OR7C1: variants seen among roughly 807,000 people sequenced by gnomAD.
OR7C1 encodes the protein olfactory receptor 7C1.
For synonymous variants in OR7C1, 152 were observed against 160.7 expected, an observed-to-expected ratio of 0.95 and a Z score of 0.41; for missense variants, 324 against 383.3, an observed-to-expected ratio of 0.85 and a Z score of 1.29.
chr19:14,823,446 C>T (rs907865204), intron 1 of OR7C1, among the ~76,000 whole-genome samples: 2 of 151,786 alleles, frequency 1.3e-5, no homozygotes, highest in African/African-American at 4.8e-5. Context: ...AGCAAGACTC[C>T]GTCTAAAAAA....
At chr19:14,818,379 C>T (rs905714941) in intron 1 of OR7C1, among the ~76,000 whole-genome samples, 1 of 152,128 alleles carries the variant, frequency 6.6e-6, no homozygotes, top group Non-Finnish European at 1.5e-5. Flanking sequence ...CAGGCGTGAG[C>T]CACCGCGCCC....
chr19:14,806,214 G>T (rs1201380559), intron 2 of OR7C1, among the ~76,000 whole-genome samples: 2 of 151,838 alleles, frequency 1.3e-5, no homozygotes, highest in Non-Finnish European at 2.9e-5. Flanking sequence ...TGTGTGTGAG[G>T]TCTTTAGCCT....
chr19:14,819,111 A>G (rs547242457), intron 1 of OR7C1, among the ~76,000 whole-genome samples: 1 of 114,780 alleles, frequency 8.7e-6, no homozygotes, highest in Non-Finnish European at 1.8e-5. Flanking sequence ...TTTTTTCTTT[A>G]TTGCCACCTT....
At chr19:14,814,119 T>C (rs2044705388) in intron 1 of OR7C1, among the ~76,000 whole-genome samples, 1 of 148,766 alleles carries the variant, frequency 6.7e-6, no homozygotes, top group Admixed American at 6.9e-5. Context: ...GTCTGGGCAA[T>C]AATTTTTGGG....
chr19:14,822,373 C>CTTTTTTTTT lies in OR7C1; in HGVS notation c.-622-12389_-622-12381dup, dbSNP rs1162241411. 4.0e-3 allele frequency among the ~76,000 whole-genome samples: 274 copies of CTTTTTTTTT among 67,716 alleles called. 43 individuals carry two copies. The highest frequency in any genetic ancestry group is 5.0e-3 in the Non-Finnish European group (179 of 35,812). 44.4% of individuals were successfully genotyped at this position (67,716 alleles called of 152,430 possible). A position where few individuals can be genotyped will look rare whatever the true frequency, so the allele number is the denominator to read the frequency against. On this transcript the variant is annotated intron_variant, in intron 1 of 4. Coordinates refer to ENST00000641666, the Ensembl canonical transcript of OR7C1. ...ATCCTCATCAGCACTTATCTCCTGT[C>CTTTTTTTTT]TTTTTTTTTTTTTTTTTTTTTTTTT... is the stretch of plus-strand genomic sequence containing the variant.
intron 1 of OR7C1, chr19:14,827,137 T>A (rs1335092927): frequency 2.7e-6 from 2 of 752,610 alleles, no homozygotes; most frequent in Non-Finnish European, 3.8e-6. Context: ...TAAAAGGAGT[T>A]GCTTAAATTC....
chr19:14,830,132 G>A (rs1029552074), intron 1 of OR7C1, among the ~76,000 whole-genome samples: 1 of 152,156 alleles, frequency 6.6e-6, no homozygotes, highest in Non-Finnish European at 1.5e-5. Flanking sequence ...CAAAGTGCTG[G>A]AATTACAGGC....
chr19:14,826,709 A>T (rs960858221), intron 1 of OR7C1: 16 of 152,220 alleles, frequency 1.1e-4, no homozygotes, highest in African/African-American at 3.1e-4. Context: ...CATATTTTTG[A>T]TAAACAATTT....
In OR7C1 at chr19:14,828,917, T is replaced by C. The variant is rs78121265; in HGVS notation, c.-623+6157A>G. ...CTACAATCTAATGATGAAGAAAGAA[T>C]ATAAACAAATTAAACAATCGAATAT... On this transcript the variant is annotated intron_variant, in intron 1 of 4. Transcript: ENST00000641666. Among the ~76,000 whole-genome samples, 54 of 77,050 alleles carry C rather than the reference T, an allele frequency of 7.0e-4. No individual in the cohort carries two copies. The East Asian group carries it at 0.047, about 67-fold the overall frequency. 50.5% of individuals were successfully genotyped at this position (77,050 alleles called of 152,430 possible). A position where few individuals can be genotyped will look rare whatever the true frequency, so the allele number is the denominator to read the frequency against.
intron 2 of OR7C1, among the ~76,000 whole-genome samples, chr19:14,803,914 T>G (rs1322779222): frequency 6.6e-6 from 1 of 152,074 alleles, no homozygotes; most frequent in Non-Finnish European, 1.5e-5. Context: ...TTTCACCGTG[T>G]TAGCCATGAT....
intron 2 of OR7C1, among the ~76,000 whole-genome samples, 170 bp from the exon 3 acceptor site, chr19:14,800,934 C>T (rs956747225): frequency 2.0e-5 from 3 of 152,230 alleles, no homozygotes; most frequent in African/African-American, 7.2e-5. Context: ...CCTGTCCTTT[C>T]CTCTCGGAGA....
chr19:14,825,811 A>T (rs928011933), intron 1 of OR7C1: 3 of 152,506 alleles, frequency 2.0e-5, no homozygotes, highest in African/African-American at 7.2e-5. Flanking sequence ...AGACACCCCC[A>T]ACGTAGACTC....
intron 1 of OR7C1, among the ~76,000 whole-genome samples, chr19:14,820,227 G>T (rs1423306062): frequency 2.6e-5 from 4 of 152,036 alleles, no homozygotes; most frequent in Non-Finnish European, 5.9e-5. Context: ...ATTTATTTTA[G>T]AATTTTATTC....
intron 1 of OR7C1, among the ~76,000 whole-genome samples, chr19:14,823,155 A>G (rs1054568855): frequency 3.9e-5 from 6 of 152,134 alleles, no homozygotes; most frequent in Non-Finnish European, 8.8e-5. Flanking sequence ...AATGTTTTTA[A>G]AAATTTGCGT....
rs1162241411 is a variant in OR7C1, at chr19:14,822,373, CTTTTTT to C, written c.-622-12386_-622-12381del. Among the ~76,000 whole-genome samples the C allele has an allele frequency of 6.6e-4, 45 of 67,716 alleles. No homozygotes were observed. The South Asian group carries it at 0.025, about 38-fold the overall frequency. The allele number at this position is 67,716 out of a possible 152,430, so 44.4% of individuals were successfully genotyped here. A position where few individuals can be genotyped will look rare whatever the true frequency, so the allele number is the denominator to read the frequency against. On this transcript the variant is annotated intron_variant, in intron 1 of 4. Coordinates refer to ENST00000641666, the Ensembl canonical transcript of OR7C1. ...ATCCTCATCAGCACTTATCTCCTGT[CTTTTTT>C]TTTTTTTTTTTTTTTTTTTTTTTGA...
intron 2 of OR7C1, among the ~76,000 whole-genome samples, chr19:14,804,598 A>G (rs1325589091): frequency 6.6e-6 from 1 of 152,050 alleles, no homozygotes; most frequent in Non-Finnish European, 1.5e-5. Flanking sequence ...CTGAGGCTCA[A>G]TGCCTGGGCT....
chr19:14,800,232 A>G (rs1437372001), intron 4 of OR7C1, 24 bp downstream of exon 4: 2 of 1,344,256 alleles, frequency 1.5e-6, no homozygotes, highest in South Asian at 1.5e-5. Context: ...TTTTAAGTGA[A>G]GGAATCAATT....
chr19:14,826,288 G>A (rs556247889), intron 1 of OR7C1: 13 of 152,260 alleles, frequency 8.5e-5, no homozygotes, highest in African/African-American at 2.9e-4. Context: ...AGAATTTAGA[G>A]CATAAAAGAG....
chr19:14,827,495 G>A, intron 1 of OR7C1: 1 of 1,614,124 alleles, frequency 6.2e-7, no homozygotes, highest in African/African-American at 1.3e-5. Flanking sequence ...CATAAAATAA[G>A]GAGACAACTG....
Sources: gnomAD v4.1 joint callset for allele counts (sites outside exome capture counted in the v4.1 genomes callset) on GRCh38, gnomAD v4.1.1 for gene constraint, MANE v1.5 for transcripts, NCBI Gene and HGNC (gene_info 2026-07-23, HGNC 2026-07-21) for gene names.